Variants in RAB30 observed in about 807,000 individuals in gnomAD.
RAB30 encodes RAB30, member RAS oncogene family, also known as ras-related protein Rab-30.
Under a neutral mutation model 25.1 loss-of-function variants are expected in RAB30, and 9 were observed. That is an observed-to-expected ratio of 0.36 (90% confidence interval 0.22 to 0.63). The LOEUF (loss-of-function observed/expected upper bound fraction) is 0.63. Among genes scored for constraint, RAB30 ranks in the 20% least tolerant of loss-of-function variants. RAB30 has a pLI of 0.69. For synonymous variants in RAB30, 77 were observed against 86.4 expected, an observed-to-expected ratio of 0.89 and a Z score of 0.60; for missense variants, 140 against 243.5, an observed-to-expected ratio of 0.58 and a Z score of 2.83.
chr11:82,986,866 T>G (rs1476714604), intron 4 of RAB30, among the ~76,000 whole-genome samples: 1 of 152,226 alleles, frequency 6.6e-6, no homozygotes, highest in African/African-American at 2.4e-5. Flanking sequence ...TAACAATGCT[T>G]CTAAGGATCT....
At chr11:83,025,132 C>T (rs968136997) in intron 1 of RAB30, among the ~76,000 whole-genome samples, 4 of 152,160 alleles carry the variant, frequency 2.6e-5, no homozygotes, top group Admixed American at 6.5e-5. Flanking sequence ...TGCATTTTAC[C>T]AGGACTTCAC....
rs140596047 is a variant in RAB30 at position 83,018,968 on chromosome 11, A to G, written c.-8-21644T>C. 6.7e-4 allele frequency among the ~76,000 whole-genome samples: 102 copies of G among 152,326 alleles called. 1 individual carries two copies. The highest frequency in any genetic ancestry group is 2.4e-3 in the African/African-American group (99 of 41,570). ...ACTTTATATTTTGTTTGCTTTGTTG[A>G]AGATCAGTTGGCTGTAAGTATTTGG... On this transcript the variant is annotated intron_variant, in intron 1 of 4. Transcript: ENST00000527633.
At chr11:82,997,437 A>G in intron 1 of RAB30, 113 bp from the exon 2 acceptor site, 1 of 730,220 alleles carries the variant, frequency 1.4e-6, no homozygotes, top group Non-Finnish European at 2.3e-6. Context: ...TTAAAGAGCA[A>G]TTTAAAGCTC....
chr11:83,004,617 T>G (rs1857148910), intron 1 of RAB30, among the ~76,000 whole-genome samples: 1 of 152,042 alleles, frequency 6.6e-6, no homozygotes, highest in African/African-American at 2.4e-5. Flanking sequence ...CTCTGGAGGG[T>G]GGGTTCAGAC....
chr11:83,026,815 TA>T (rs10708704), intron 1 of RAB30, among the ~76,000 whole-genome samples: 85,280 of 151,802 alleles, frequency 0.56, 24,405 homozygotes, highest in African/African-American at 0.69. Context: ...TTATTTTTAT[TA>T]AAAAAAACCT....
At chr11:82,986,381 C>G (rs865788125) in intron 4 of RAB30, among the ~76,000 whole-genome samples, 4 of 152,258 alleles carry the variant, frequency 2.6e-5, no homozygotes, top group Middle Eastern at 6.8e-3. Flanking sequence ...TAAGCCAATT[C>G]CTCTTTCATA....
chr11:82,988,652 C>T (rs866277440), intron 3 of RAB30, among the ~76,000 whole-genome samples: 1 of 152,150 alleles, frequency 6.6e-6, no homozygotes, highest in Non-Finnish European at 1.5e-5. Flanking sequence ...AAGAAGAAGA[C>T]AATACTTGTC....
intron 1 of RAB30, among the ~76,000 whole-genome samples, chr11:83,062,635 A>C (rs1858608188): frequency 6.6e-6 from 1 of 152,230 alleles, no homozygotes; most frequent in Non-Finnish European, 1.5e-5. Flanking sequence ...ATGTGCACAT[A>C]AATTTGCCAA....
chr11:83,046,258 C>T (rs1382205419), intron 1 of RAB30, among the ~76,000 whole-genome samples: 2 of 152,174 alleles, frequency 1.3e-5, no homozygotes, highest in Non-Finnish European at 2.9e-5. Flanking sequence ...ATACTTCCCT[C>T]GGGACCAAAG....
intron 2 of RAB30, among the ~76,000 whole-genome samples, chr11:82,996,844 A>T (rs1590841567): frequency 6.6e-6 from 1 of 152,198 alleles, no homozygotes; most frequent in Admixed American, 6.5e-5. Flanking sequence ...TTAGAGTTTT[A>T]AAAAATTTAG....
rs1265475245 is a variant in RAB30, at chr11:82,979,519, G to A, written c.*2646C>T. The A allele has an allele frequency of 6.6e-6, 1 of 152,108 alleles. No homozygotes were observed. The highest frequency in any genetic ancestry group is 2.4e-5 in the African/African-American group (1 of 41,426). The allele number at this position is 152,108 out of a possible 1,614,324, so 9.4% of individuals were successfully genotyped here. ...TTTAGGTTCTGGCCTGGGTTAAGAT[G>A]ACTGTATTTAGTGTCCTTTCTCAAG... On this transcript the variant is annotated 3_prime_UTR_variant, in exon 5 of 5. Transcript: ENST00000527633.
At chr11:82,991,770 A>T (rs1323583033) in intron 3 of RAB30, among the ~76,000 whole-genome samples, 2 of 152,228 alleles carry the variant, frequency 1.3e-5, no homozygotes, top group East Asian at 3.8e-4. Context: ...CTGAAGAAGT[A>T]CTGGGGATAG....
chr11:83,064,431 A>G (rs1371955277), intron 1 of RAB30, among the ~76,000 whole-genome samples: 1 of 152,178 alleles, frequency 6.6e-6, no homozygotes, highest in East Asian at 1.9e-4. Context: ...TTCTAGAATC[A>G]AAAAACAAAT....
rs1339366136 is a variant in RAB30, at chr11:83,010,733, G to A, written c.-8-13409C>T. Among the ~76,000 whole-genome samples the A allele has an allele frequency of 2.0e-5, 3 of 152,108 alleles. No individual in the cohort carries two copies. In the East Asian group the frequency reaches 5.8e-4, roughly 29 times the overall value. On this transcript the variant is annotated intron_variant, in intron 1 of 4. Transcript: ENST00000527633. ...AGAATCCAAACCTTTCATGCAGTTA[G>A]CTCACTGCTGAGAATTCACTTTAGG... is the stretch of plus-strand genomic sequence containing the variant.
intron 1 of RAB30, among the ~76,000 whole-genome samples, chr11:83,063,293 G>C (rs1858623883): frequency 6.6e-6 from 1 of 152,204 alleles, no homozygotes; most frequent in African/African-American, 2.4e-5. Flanking sequence ...TATTTTAAAA[G>C]TGGAGCTTAA....
intron 1 of RAB30, among the ~76,000 whole-genome samples, chr11:83,018,819 T>C (rs1174796825): frequency 6.6e-6 from 1 of 152,234 alleles, no homozygotes; most frequent in Non-Finnish European, 1.5e-5. Flanking sequence ...ATTTTAATGA[T>C]TTCAGGTCTT....
intron 1 of RAB30, among the ~76,000 whole-genome samples, chr11:83,012,648 C>G (rs908495912): frequency 1.3e-5 from 2 of 152,068 alleles, no homozygotes; most frequent in African/African-American, 4.8e-5. Flanking sequence ...GACCGTTGTG[C>G]AGATTAAAGG....
At chr11:83,067,392 TAATA>T (rs1858725866) in intron 1 of RAB30, among the ~76,000 whole-genome samples, 1 of 152,156 alleles carries the variant, frequency 6.6e-6, no homozygotes, top group Non-Finnish European at 1.5e-5. Context: ...ATCATACAGC[TAATA>T]AATAAGCAGT....
At chr11:82,996,462 A>C (rs1856961079) in intron 2 of RAB30, among the ~76,000 whole-genome samples, 1 of 152,236 alleles carries the variant, frequency 6.6e-6, no homozygotes, top group Non-Finnish European at 1.5e-5. Context: ...TTGCTGAACA[A>C]GTACTTTATG....
Sources: allele counts gnomAD v4.1 joint callset (sites outside exome capture counted in the v4.1 genomes callset), GRCh38; gene constraint gnomAD v4.1.1; transcripts MANE v1.5; gene names NCBI Gene and HGNC (gene_info 2026-07-23, HGNC 2026-07-21).